PDE7B: variants seen among roughly 807,000 people sequenced by gnomAD.
PDE7B encodes the protein phosphodiesterase 7B, also known as 3',5'-cyclic-AMP phosphodiesterase 7B.
PDE7B carries 29 observed loss-of-function variants against 56.2 expected under a neutral mutation model. The observed-to-expected ratio is 0.52, with a 90% confidence interval of 0.38 to 0.70. The LOEUF (loss-of-function observed/expected upper bound fraction) is 0.70. Among genes scored for constraint, PDE7B ranks in the 30% least tolerant of loss-of-function variants. The pLI is 0.00. For synonymous variants in PDE7B, 197 were observed against 196.9 expected, an observed-to-expected ratio of 1.00 and a Z score of 0.00; for missense variants, 490 against 565.0, an observed-to-expected ratio of 0.87 and a Z score of 1.35.
At chr6:135,950,615 T>C (rs1199805316) in intron 2 of PDE7B, among the ~76,000 whole-genome samples, 2 of 152,032 alleles carry the variant, frequency 1.3e-5, no homozygotes, top group Non-Finnish European at 2.9e-5. Context: ...CTTGGCTCAC[T>C]CCCCTGGAAA....
intron 2 of PDE7B, among the ~76,000 whole-genome samples, chr6:135,982,733 G>T (rs1283922708): frequency 6.6e-6 from 1 of 152,148 alleles, no homozygotes; most frequent in African/African-American, 2.4e-5. Context: ...CTAGAAGATG[G>T]GTTGTGGCAA....
At chr6:135,857,367 C>A (rs1356372975) in intron 1 of PDE7B, among the ~76,000 whole-genome samples, 1 of 151,876 alleles carries the variant, frequency 6.6e-6, no homozygotes, top group Non-Finnish European at 1.5e-5. Context: ...AAATTATTCC[C>A]ATTGCTTTAG....
chr6:135,858,585 T>C (rs987655111), intron 1 of PDE7B, among the ~76,000 whole-genome samples: 1 of 152,176 alleles, frequency 6.6e-6, no homozygotes, highest in Non-Finnish European at 1.5e-5. Flanking sequence ...AGCCAGGAGA[T>C]AGGGAGCCCA....
At chr6:135,859,101 C>T (rs1322069154) in intron 1 of PDE7B, among the ~76,000 whole-genome samples, 1 of 151,388 alleles carries the variant, frequency 6.6e-6, no homozygotes, top group Admixed American at 6.6e-5. Flanking sequence ...CTCATTATGC[C>T]ACTTGCCAGC....
At chr6:136,153,607 T>C (rs1778559714) in intron 6 of PDE7B, among the ~76,000 whole-genome samples, 1 of 152,218 alleles carries the variant, frequency 6.6e-6, no homozygotes, top group Non-Finnish European at 1.5e-5. Context: ...TTTGCTTTCA[T>C]TGGTATTTGT....
At chr6:136,158,855 C>T (rs892623926) in intron 8 of PDE7B, among the ~76,000 whole-genome samples, 3 of 152,198 alleles carry the variant, frequency 2.0e-5, no homozygotes, top group African/African-American at 4.8e-5. Flanking sequence ...CCTCCAACCC[C>T]ACACATACAA....
At chr6:136,124,193 A>G (rs1777983142) in intron 3 of PDE7B, among the ~76,000 whole-genome samples, 1 of 152,136 alleles carries the variant, frequency 6.6e-6, no homozygotes, top group East Asian at 1.9e-4. Context: ...TTGAAAAAGT[A>G]TGACTCAAAG....
At chr6:136,026,772 C>CATA (rs1776159672) in intron 2 of PDE7B, among the ~76,000 whole-genome samples, 1 of 152,188 alleles carries the variant, frequency 6.6e-6, no homozygotes, top group African/African-American at 2.4e-5. Flanking sequence ...GTATCTGGTA[C>CATA]ATAAGCATTC....
intron 8 of PDE7B, among the ~76,000 whole-genome samples, chr6:136,172,865 A>T (rs1205537925): frequency 6.6e-6 from 1 of 152,176 alleles, no homozygotes; most frequent in African/African-American, 2.4e-5. Context: ...AATAACAGAC[A>T]AACAGAGAGC....
At chr6:136,157,964 C>G (rs1244121653) in intron 8 of PDE7B, among the ~76,000 whole-genome samples, 1 of 152,170 alleles carries the variant, frequency 6.6e-6, no homozygotes, top group Non-Finnish European at 1.5e-5. Flanking sequence ...CATACGCTCT[C>G]TTTTGTAGTA....
At chr6:136,021,227 C>T (rs1583832630) in intron 2 of PDE7B, among the ~76,000 whole-genome samples, 1 of 152,276 alleles carries the variant, frequency 6.6e-6, no homozygotes, top group South Asian at 2.1e-4. Context: ...TTAAAATATC[C>T]AATCAAATGC....
chr6:136,002,089 C>G (rs1028140408), intron 2 of PDE7B, among the ~76,000 whole-genome samples: 1 of 152,154 alleles, frequency 6.6e-6, no homozygotes, highest in Non-Finnish European at 1.5e-5. Flanking sequence ...AATTTCATAT[C>G]CAGTGAAACT....
chr6:136,103,542 T>G (rs1777599349), intron 2 of PDE7B, among the ~76,000 whole-genome samples: 1 of 152,190 alleles, frequency 6.6e-6, no homozygotes, highest in Non-Finnish European at 1.5e-5. Context: ...TGTCTTTATT[T>G]TGCAAGTGGT....
chr6:136,098,621 C>G (rs866104617), intron 2 of PDE7B, among the ~76,000 whole-genome samples: 10 of 152,084 alleles, frequency 6.6e-5, no homozygotes, highest in African/African-American at 2.4e-4. Flanking sequence ...GAGAGGAACC[C>G]AAACCCAAAT....
intron 2 of PDE7B, among the ~76,000 whole-genome samples, chr6:136,080,261 A>T (rs1777185534): frequency 6.6e-6 from 1 of 152,192 alleles, no homozygotes; most frequent in South Asian, 2.1e-4. Context: ...TTGAATAAGC[A>T]CCTAAAGTTA....
chr6:135,883,431 TCTC>T (rs1451138738), intron 1 of PDE7B, among the ~76,000 whole-genome samples: 2 of 152,170 alleles, frequency 1.3e-5, no homozygotes, highest in Non-Finnish European at 2.9e-5. Context: ...CTATGTTAAT[TCTC>T]CTAGGCCATC....
chr6:136,069,061 T>C (rs1253975232), intron 2 of PDE7B, among the ~76,000 whole-genome samples: 1 of 152,168 alleles, frequency 6.6e-6, no homozygotes, highest in African/African-American at 2.4e-5. Context: ...ATGAGGCATG[T>C]CCAACCACCC....
intron 1 of PDE7B, among the ~76,000 whole-genome samples, chr6:135,872,933 T>C (rs913745364): frequency 6.6e-6 from 1 of 152,184 alleles, no homozygotes; most frequent in African/African-American, 2.4e-5. Context: ...TCCAAATCTT[T>C]CTCTTATGTT....
At chr6:135,924,120 CCT>C (rs1455059951) in intron 1 of PDE7B, among the ~76,000 whole-genome samples, 1 of 152,102 alleles carries the variant, frequency 6.6e-6, no homozygotes, top group African/African-American at 2.4e-5. Flanking sequence ...ATTTTCTAGA[CCT>C]GTGTTTTACA....
Sources: gnomAD v4.1 joint callset for allele counts (sites outside exome capture counted in the v4.1 genomes callset) on GRCh38, gnomAD v4.1.1 for gene constraint, MANE v1.5 for transcripts, NCBI Gene and HGNC (gene_info 2026-07-23, HGNC 2026-07-21) for gene names.